Variants in RALGAPA1 observed in about 807,000 individuals in gnomAD.
RALGAPA1 encodes the protein ral GTPase-activating protein subunit alpha-1.
A neutral mutation model predicts 269.6 loss-of-function variants in RALGAPA1; 52 were observed. The ratio of observed to expected loss-of-function variants is 0.19; its 90% confidence interval spans 0.15 to 0.24. The LOEUF is 0.24. Among genes scored for constraint, RALGAPA1 ranks in the 10% least tolerant of loss-of-function variants. RALGAPA1 has a pLI of 1.00. For missense variants in RALGAPA1, 1,917 were observed against 3,013.9 expected (o/e 0.64, Z 8.52); for synonymous variants, 817 against 1,008.3 (o/e 0.81, Z 3.60).
intron 26 of RALGAPA1, among the ~76,000 whole-genome samples, chr14:35,667,995 C>G (rs1232275683): frequency 1.3e-5 from 2 of 152,172 alleles, no homozygotes; most frequent in Non-Finnish European, 2.9e-5. Flanking sequence ...ATCCTGTCAT[C>G]TGCAGCAACA....
chr14:35,738,693 T>C (rs1356335353), intron 11 of RALGAPA1, 43 bp from the exon 12 acceptor site: 1 of 1,510,508 alleles, frequency 6.6e-7, no homozygotes, highest in African/African-American at 1.4e-5. Context: ...TTACTAAGAA[T>C]GCTGCAACTA....
rs1171133908 is a variant in RALGAPA1 at position 35,767,853 on chromosome 14, AGTCT to A, written c.325+3085_325+3088del. ...CAGTGGCATGATCTTGGCTTGCTGC[AGTCT>A]TGACCTCACCAAGTTCAGATGATCT... On this transcript the variant is annotated intron_variant, in intron 4 of 41. Transcript: ENST00000680220. 3.9e-5 allele frequency among the ~76,000 whole-genome samples: 6 copies of A among 152,164 alleles called. No individual in the cohort carries two copies. In the East Asian group the frequency reaches 1.2e-3, roughly 29 times the overall value.
intron 27 of RALGAPA1, among the ~76,000 whole-genome samples, chr14:35,660,417 A>G (rs2140115039): frequency 6.6e-6 from 1 of 152,202 alleles, no homozygotes; most frequent in South Asian, 2.1e-4. Flanking sequence ...AGCATCGAAA[A>G]CATCAAAATA....
At chr14:35,783,193 G>C (rs1353279411) in intron 1 of RALGAPA1, among the ~76,000 whole-genome samples, 1 of 151,744 alleles carries the variant, frequency 6.6e-6, no homozygotes, top group Non-Finnish European at 1.5e-5. Flanking sequence ...TGTAGTACCG[G>C]GATAAGGATA....
intron 35 of RALGAPA1, among the ~76,000 whole-genome samples, chr14:35,613,183 G>A (rs1201387917): frequency 2.0e-5 from 3 of 151,886 alleles, no homozygotes; most frequent in Admixed American, 6.6e-5. Flanking sequence ...CTGGGTTCAA[G>A]CGATTCTAGT....
chr14:35,693,549 G>A (rs945911559), intron 17 of RALGAPA1, among the ~76,000 whole-genome samples: 1 of 151,776 alleles, frequency 6.6e-6, no homozygotes, highest in African/African-American at 2.4e-5. Context: ...AGAGAAGAAC[G>A]ATCACCCATG....
At chr14:35,550,693 ATATTACAATTTATCTGCTTC>A (rs1490177691) in intron 39 of RALGAPA1, among the ~76,000 whole-genome samples, 3 of 152,170 alleles carry the variant, frequency 2.0e-5, no homozygotes, top group Non-Finnish European at 4.4e-5. Context: ...AGTGGCTTTC[ATATTACAATTTATCTGCTTC>A]TATTACAATT....
At chr14:35,549,278 T>A (rs1291827383) in intron 39 of RALGAPA1, 44 bp from the exon 40 acceptor site, 1 of 1,577,892 alleles carries the variant, frequency 6.3e-7, no homozygotes, top group African/African-American at 1.4e-5. Flanking sequence ...CAGCTTATAC[T>A]GGAAAAAAAA....
intron 3 of RALGAPA1, 65 bp downstream of exon 3, chr14:35,774,941 T>A (rs886468927): frequency 1.1e-6 from 1 of 932,504 alleles, no homozygotes; most frequent in Admixed American, 2.3e-5. Context: ...AATTTAAATA[T>A]ATTCCTTTGT....
At chr14:35,695,828 A>G (rs1216502666) in intron 17 of RALGAPA1, among the ~76,000 whole-genome samples, 1 of 152,192 alleles carries the variant, frequency 6.6e-6, no homozygotes, top group African/African-American at 2.4e-5. Context: ...TTATCTGTTT[A>G]TCAGGAAAAT....
intron 1 of RALGAPA1, among the ~76,000 whole-genome samples, chr14:35,801,374 T>G (rs1385014609): frequency 6.6e-6 from 1 of 151,984 alleles, no homozygotes; most frequent in African/African-American, 2.4e-5. Context: ...GTTCAGGTGA[T>G]TCTCCTGCCT....
At chr14:35,546,286 C>T (rs1315604884) in intron 41 of RALGAPA1, among the ~76,000 whole-genome samples, 1 of 151,950 alleles carries the variant, frequency 6.6e-6, no homozygotes, top group Non-Finnish European at 1.5e-5. Context: ...TTGATTTGCA[C>T]GTTACCGCTA....
Position 35,803,604 on chromosome 14 carries a change from T to C in RALGAPA1, c.106+5126A>G, listed in dbSNP as rs113381369. ...AAATCTTTGCAAATCATGTGTCTCA[T>C]ACAGTATCTGTATCTAGAATATATA... On this transcript the variant is annotated intron_variant, in intron 1 of 41. Coordinates refer to ENST00000680220, the MANE Select transcript of RALGAPA1 (RefSeq NM_001346249.2). Among the ~76,000 whole-genome samples, 53 of 151,896 alleles carry C rather than the reference T, an allele frequency of 3.5e-4. 2 individuals are homozygous for C. The highest frequency in any genetic ancestry group is 1.1e-3 in the African/African-American group (44 of 41,428).
chr14:35,767,684 T>C (rs752620228), intron 4 of RALGAPA1, among the ~76,000 whole-genome samples: 9 of 152,178 alleles, frequency 5.9e-5, no homozygotes, highest in Admixed American at 1.3e-4. Context: ...CAAGATTCCA[T>C]CTCAAAAAAA....
intron 7 of RALGAPA1, among the ~76,000 whole-genome samples, chr14:35,754,143 AC>A (rs1464729555): frequency 1.2e-4 from 19 of 152,264 alleles, no homozygotes; most frequent in African/African-American, 4.6e-4. Flanking sequence ...AAACTATAAA[AC>A]TTCAAGAACA....
At chr14:35,666,165 C>T (rs2063915237) in intron 26 of RALGAPA1, among the ~76,000 whole-genome samples, 1 of 152,080 alleles carries the variant, frequency 6.6e-6, no homozygotes. Context: ...GCTGGGATTA[C>T]AGGTGCGTGC....
At chr14:35,720,387 T>C (rs770835764) in intron 16 of RALGAPA1, among the ~76,000 whole-genome samples, 4 of 152,222 alleles carry the variant, frequency 2.6e-5, no homozygotes, top group Non-Finnish European at 5.9e-5. Flanking sequence ...TTTCTTCCTT[T>C]CAAACCATAA....
intron 26 of RALGAPA1, among the ~76,000 whole-genome samples, chr14:35,669,284 C>T (rs980234402): frequency 6.6e-6 from 1 of 151,854 alleles, no homozygotes. Flanking sequence ...GACTGAGTTT[C>T]GCTCTTGTTG....
chr14:35,570,722 A>T lies in RALGAPA1; in HGVS notation c.7391T>A (p.Phe2464Tyr). Residue 2464 changes from phenylalanine (F) to tyrosine (Y), a missense_variant, in exon 39 of 42, where the codon TTT (phenylalanine) becomes TAT (tyrosine). Phe to Tyr is a conservative substitution (Grantham distance 22, BLOSUM62 3). Around this residue, in one of 11 missense-constraint regions of RALGAPA1, gnomAD observed 91 missense variants for 130.9 expected, o/e 0.70. Coordinates refer to ENST00000680220, the MANE Select transcript of RALGAPA1 (RefSeq NM_001346249.2). ...CTTTCCATTCACAATAGCACCATCA[A>T]AAAGGGGACCAAAGAAGGGAACCTG... ...KPEVPFFGPL[F>Y]DGAIVNGKVL... is the part of the protein sequence containing the mutation. The T allele has an allele frequency of 6.2e-7, 1 of 1,603,028 alleles. No homozygotes were observed. Among genetic ancestry groups the T allele is most frequent in the Non-Finnish European group, 8.5e-7 (1 of 1,175,924 alleles).
Sources: gnomAD v4.1 joint callset for allele counts (sites outside exome capture counted in the v4.1 genomes callset) on GRCh38, gnomAD v4.1.1 for gene constraint, gnomAD v4.1.1 regional missense constraint, MANE v1.5 for transcripts, NCBI Gene and HGNC (gene_info 2026-07-23, HGNC 2026-07-21) for gene names.